The following NDFIP1 variants were observed in gnomAD, a reference collection of about 807,000 sequenced individuals.
The protein encoded by NDFIP1 is NEDD4 family-interacting protein 1.
NDFIP1 carries 7 observed loss-of-function variants against 28.8 expected under a neutral mutation model. The ratio of observed to expected loss-of-function variants is 0.24; its 90% CI spans 0.14 to 0.46. The LOEUF (loss-of-function observed/expected upper bound fraction) is 0.46. Ranked by LOEUF, NDFIP1 falls within the 20% of genes least tolerant of loss-of-function variation. The pLI is 0.99. For synonymous variants in NDFIP1, 92 were observed against 101.0 expected, an observed-to-expected ratio of 0.91 and a Z score of 0.53; for missense variants, 194 against 269.1, an observed-to-expected ratio of 0.72 and a Z score of 1.95.
chr5:142,129,054 T>C (rs1455339922), intron 1 of NDFIP1, among the ~76,000 whole-genome samples: 1 of 152,232 alleles, frequency 6.6e-6, no homozygotes, highest in Non-Finnish European at 1.5e-5. Flanking sequence ...AGGGGTAACG[T>C]GATTACTTTG....
chr5:142,148,735 A>G, intron 7 of NDFIP1, among the ~76,000 whole-genome samples: 1 of 124,538 alleles, frequency 8.0e-6, no homozygotes, highest in African/African-American at 3.1e-5. Flanking sequence ...TGGGCGACAG[A>G]GCGAGACTCT....
intron 1 of NDFIP1, among the ~76,000 whole-genome samples, chr5:142,115,618 G>A (rs1443294212): frequency 1.3e-5 from 2 of 152,100 alleles, no homozygotes; most frequent in Non-Finnish European, 2.9e-5. Flanking sequence ...TTTAGATAAA[G>A]CAACTTTAAT....
intron 2 of NDFIP1, 152 bp downstream of exon 2, chr5:142,132,047 A>G: frequency 9.5e-7 from 1 of 1,057,226 alleles, no homozygotes; most frequent in Non-Finnish European, 1.3e-6. Context: ...ATACATTTAA[A>G]AATCACCCCC....
intron 3 of NDFIP1, 90 bp downstream of exon 3, chr5:142,132,432 T>C: frequency 6.9e-7 from 1 of 1,456,360 alleles, no homozygotes; most frequent in Non-Finnish European, 9.3e-7. Context: ...CTTATGATTG[T>C]ATTGATTAGT....
At chr5:142,115,344 C>T (rs750038363) in intron 1 of NDFIP1, among the ~76,000 whole-genome samples, 3 of 152,098 alleles carry the variant, frequency 2.0e-5, no homozygotes, top group African/African-American at 4.8e-5. Flanking sequence ...AAGGCAATGG[C>T]GCGATCTCGG....
At chr5:142,142,189 G>A (rs1311815109) in intron 6 of NDFIP1, among the ~76,000 whole-genome samples, 1 of 152,024 alleles carries the variant, frequency 6.6e-6, no homozygotes, top group Non-Finnish European at 1.5e-5. Flanking sequence ...ACAGAGCCTT[G>A]CATTGCTGAC....
chr5:142,143,816 C>T (rs1370930700), intron 6 of NDFIP1: 2 of 152,056 alleles, frequency 1.3e-5, no homozygotes, highest in African/African-American at 4.8e-5. Context: ...GCCTGAGCAA[C>T]ATAGCGAGAC....
At chr5:142,125,265 T>C (rs1251972396) in intron 1 of NDFIP1, among the ~76,000 whole-genome samples, 1 of 152,260 alleles carries the variant, frequency 6.6e-6, no homozygotes, top group African/African-American at 2.4e-5. Flanking sequence ...TTATGGATAA[T>C]GCTACTGTGA....
chr5:142,110,293 T>C (rs563313459), intron 1 of NDFIP1, among the ~76,000 whole-genome samples: 2 of 152,342 alleles, frequency 1.3e-5, no homozygotes, highest in South Asian at 4.1e-4. Context: ...ACATGCTTTT[T>C]TTCTATGACC....
chr5:142,125,200 A>G (rs1757159015), intron 1 of NDFIP1, among the ~76,000 whole-genome samples: 1 of 151,718 alleles, frequency 6.6e-6, no homozygotes, highest in Non-Finnish European at 1.5e-5. Flanking sequence ...ATTTCATTGT[A>G]CAGATAAGCC....
intron 1 of NDFIP1, among the ~76,000 whole-genome samples, chr5:142,127,694 G>A (rs1757184567): frequency 6.6e-6 from 1 of 152,240 alleles, no homozygotes; most frequent in South Asian, 2.1e-4. Context: ...GGTGGCTCAC[G>A]CCTATAATCC....
Position 142,153,233 on chromosome 5 carries a change from C to T in NDFIP1, c.*1505C>T, listed in dbSNP as rs1024570378. ...TTGTCTCAATCTTAAATTTAGAGAC[C>T]AGTTGTTTTTATGATATCAGCCATT... On this transcript the variant is annotated 3_prime_UTR_variant, in exon 8 of 8. Coordinates refer to ENST00000253814, the MANE Select transcript of NDFIP1 (RefSeq NM_030571.4). The T allele has an allele frequency of 2.2e-6, 1 of 453,226 alleles. No individual in the cohort carries two copies. The highest frequency in any genetic ancestry group is 2.0e-5 in the African/African-American group (1 of 49,618). 28.1% of individuals were successfully genotyped at this position (453,226 alleles called of 1,614,324 possible).
At chr5:142,133,996 G>T (rs748512002) in intron 3 of NDFIP1, 1 of 152,252 alleles carries the variant, frequency 6.6e-6, no homozygotes, top group Non-Finnish European at 1.5e-5. Context: ...GAAAGCAGGT[G>T]TGAATTCAGC....
intron 6 of NDFIP1, chr5:142,142,917 CAAAAAAAAAAAA>C (rs1171333662): frequency 4.6e-5 from 2 of 43,178 alleles, no homozygotes. Context: ...GATTCCATCT[CAAAAAAAAAAAA>C]AAAAAAAAAA....
intron 5 of NDFIP1, among the ~76,000 whole-genome samples, chr5:142,139,003 G>A (rs1308891045): frequency 6.6e-6 from 1 of 151,442 alleles, no homozygotes; most frequent in African/African-American, 2.4e-5. Context: ...AGATCACGAA[G>A]TCAGGAGATC....
intron 1 of NDFIP1, among the ~76,000 whole-genome samples, chr5:142,131,484 A>G (rs536727833): frequency 3.3e-5 from 5 of 152,332 alleles, no homozygotes; most frequent in African/African-American, 9.6e-5. Context: ...CATGTTGGCC[A>G]GGATGGCAAA....
intron 1 of NDFIP1, among the ~76,000 whole-genome samples, chr5:142,125,396 C>T (rs1757160738): frequency 6.6e-6 from 1 of 152,178 alleles, no homozygotes; most frequent in African/African-American, 2.4e-5. Flanking sequence ...GACAGGATCT[C>T]ACTCTGTTGC....
intron 1 of NDFIP1, among the ~76,000 whole-genome samples, chr5:142,118,828 T>A (rs1229890216): frequency 2.0e-5 from 3 of 152,230 alleles, no homozygotes; most frequent in African/African-American, 7.2e-5. Context: ...ACTGCTTTAT[T>A]TTATTGCTTA....
At chr5:142,145,070 A>G (rs1343838040) in intron 7 of NDFIP1, among the ~76,000 whole-genome samples, 1 of 152,206 alleles carries the variant, frequency 6.6e-6, no homozygotes, top group East Asian at 1.9e-4. Context: ...CTCTGCCCCT[A>G]AATCCCAGAA....
Sources: allele counts gnomAD v4.1 joint callset (sites outside exome capture counted in the v4.1 genomes callset), GRCh38; gene constraint gnomAD v4.1.1; transcripts MANE v1.5; gene names NCBI Gene and HGNC (gene_info 2026-07-23, HGNC 2026-07-21).